CDH17: variants seen among roughly 807,000 people sequenced by gnomAD.
CDH17 encodes the protein cadherin-17.
CDH17 carries 67 observed loss-of-function variants against 86.3 expected under a neutral mutation model. The ratio of observed to expected loss-of-function variants is 0.78; its 90% CI spans 0.64 to 0.95. The LOEUF (loss-of-function observed/expected upper bound fraction) is 0.95, where lower values mean the gene tolerates loss of function less well. CDH17 is among the 40% of genes least tolerant of loss of function. The pLI is 0.00. For missense variants in CDH17, 993 were observed against 1,017.6 expected (o/e 0.98, Z 0.33); for synonymous variants, 367 against 366.4 (o/e 1.00, Z -0.02).
chr8:94,132,144 G>C (rs1339492647), intron 15 of CDH17, among the ~76,000 whole-genome samples: 1 of 152,156 alleles, frequency 6.6e-6, no homozygotes, highest in African/African-American at 2.4e-5. Flanking sequence ...ACATACGTGT[G>C]CACGTGTCTT....
At chr8:94,200,423 T>C (rs1399506744) in intron 1 of CDH17, among the ~76,000 whole-genome samples, 2 of 151,988 alleles carry the variant, frequency 1.3e-5, no homozygotes, top group Admixed American at 6.6e-5. Context: ...TTGCCGTTTG[T>C]CAGGATTTCC....
intron 11 of CDH17, among the ~76,000 whole-genome samples, chr8:94,160,496 G>C (rs1272859978): frequency 6.6e-6 from 1 of 152,124 alleles, no homozygotes; most frequent in Non-Finnish European, 1.5e-5. Flanking sequence ...GTATCTATCA[G>C]GTGGTAGGCA....
chr8:94,134,202 A>G (rs1400006027), intron 15 of CDH17, among the ~76,000 whole-genome samples: 4 of 152,116 alleles, frequency 2.6e-5, no homozygotes, highest in African/African-American at 4.8e-5. Flanking sequence ...CTCTTTTTCT[A>G]TTGATTGAAA....
At chr8:94,178,410 C>A (rs1273879432) in intron 3 of CDH17, among the ~76,000 whole-genome samples, 7 of 151,968 alleles carry the variant, frequency 4.6e-5, no homozygotes, top group Admixed American at 4.6e-4. Context: ...TTCCTATAAT[C>A]CTTTTGGAAA....
intron 15 of CDH17, among the ~76,000 whole-genome samples, chr8:94,143,807 C>A (rs1812683842): frequency 6.6e-6 from 1 of 152,172 alleles, no homozygotes; most frequent in Non-Finnish European, 1.5e-5. Context: ...GAGTTAAGGC[C>A]TTGTTCTAGG....
intron 13 of CDH17, among the ~76,000 whole-genome samples, chr8:94,150,610 C>T (rs1030655027): frequency 2.6e-5 from 4 of 152,196 alleles, no homozygotes; most frequent in African/African-American, 9.7e-5. Flanking sequence ...TTGTACCTTA[C>T]AGAACACCTC....
intron 7 of CDH17, among the ~76,000 whole-genome samples, chr8:94,172,450 A>G (rs1670347001): frequency 6.6e-6 from 1 of 152,138 alleles, no homozygotes; most frequent in Non-Finnish European, 1.5e-5. Flanking sequence ...TTAAAAAAAA[A>G]TTAGGGGAAC....
intron 7 of CDH17, 92 bp from the exon 8 acceptor site, chr8:94,171,077 C>G: frequency 1.5e-6 from 2 of 1,312,146 alleles, no homozygotes; most frequent in Non-Finnish European, 2.1e-6. Flanking sequence ...TTTGAAATCT[C>G]TGACAACCTT....
intron 15 of CDH17, among the ~76,000 whole-genome samples, chr8:94,135,679 A>T (rs1403227278): frequency 2.6e-5 from 4 of 152,072 alleles, no homozygotes; most frequent in Non-Finnish European, 5.9e-5. Context: ...GTTATGTGTG[A>T]ATTTGATCCT....
At chr8:94,146,218 T>A in intron 14 of CDH17, 51 bp from the exon 15 acceptor site, 1 of 1,382,246 alleles carries the variant, frequency 7.2e-7, no homozygotes, top group Non-Finnish European at 9.4e-7. Flanking sequence ...ATTTTCCTCT[T>A]AATAAGAAAG....
upstream of CDH17, among the ~76,000 whole-genome samples, chr8:94,210,036 T>TAGCATGTCTGCAAA (rs2129669708): frequency 6.6e-6 from 1 of 152,146 alleles, no homozygotes; most frequent in African/African-American, 2.4e-5. Context: ...TTTTCTCATT[T>TAGCATGTCTGCAAA]AGCATGTCTG....
In CDH17 at chr8:94,142,917, C is replaced by A. The variant is rs188893475; in HGVS notation, c.2167+3011G>T. On this transcript the variant is annotated intron_variant, in intron 15 of 17. Transcript: ENST00000027335. ...TGATTCCTCCACTGAAGTCTTGAAC[C>A]CCTCAAAGTCATCCATGAGGGTTGG... Among the ~76,000 whole-genome samples the A allele has an allele frequency of 1.4e-4, 22 of 152,270 alleles. No individual in the cohort carries two copies. The East Asian group carries it at 4.0e-3, about 28-fold the overall frequency.
intron 17 of CDH17, among the ~76,000 whole-genome samples, 199 bp downstream of exon 17, chr8:94,130,427 A>G (rs1812389059): frequency 6.6e-6 from 1 of 152,230 alleles, no homozygotes; most frequent in African/African-American, 2.4e-5. Flanking sequence ...TAATAAGGCA[A>G]TAGAGACAGA....
chr8:94,185,673 C>T (rs943279791), intron 3 of CDH17, among the ~76,000 whole-genome samples: 1 of 152,048 alleles, frequency 6.6e-6, no homozygotes, highest in Non-Finnish European at 1.5e-5. Context: ...CTTTGTTTCA[C>T]AAATATGTTT....
chr8:94,199,067 ATATATATATATATATATT>A (rs1383557068), intron 1 of CDH17, among the ~76,000 whole-genome samples: 61 of 38,270 alleles, frequency 1.6e-3, no homozygotes, highest in African/African-American at 5.5e-3. Flanking sequence ...ATATATATAT[ATATATATATATATATATT>A]TTTTTTTTTT....
Position 94,146,142 on chromosome 8 carries a change from T to C in CDH17, c.1953A>G (p.Ser651=), listed in dbSNP as rs1350582557. Residue 651 remains serine (S), a synonymous_variant, in exon 15 of 18, where the codon TCA becomes TCG. Coordinates refer to ENST00000027335, the MANE Select transcript of CDH17 (RefSeq NM_004063.4). The part of the protein sequence containing the change: ...EVGGSSLSSV[S]EFHLILMDVN... The stretch of plus-strand genomic sequence containing the variant: ...CATCCATAAGGATCAGGTGGAACTC[T>C]GACACAGAGCTCAAGGAAGACCCCC... The C allele has an allele frequency of 8.8e-6, 14 of 1,593,408 alleles. No homozygotes were observed. The highest frequency in any genetic ancestry group is 1.2e-5 in the Non-Finnish European group (14 of 1,169,860).
At chr8:94,156,782 C>T (rs184393176) in intron 12 of CDH17, among the ~76,000 whole-genome samples, 15 of 152,326 alleles carry the variant, frequency 9.8e-5, no homozygotes, top group South Asian at 4.1e-4. Flanking sequence ...AGTGATGCCA[C>T]GTGTTTAAGT....
chr8:94,162,284 A>G, intron 10 of CDH17, 122 bp from the exon 11 acceptor site: 1 of 679,782 alleles, frequency 1.5e-6, no homozygotes, highest in Non-Finnish European at 2.7e-6. Flanking sequence ...TGCAATTGAC[A>G]TGCAATTTGT....
upstream of CDH17, among the ~76,000 whole-genome samples, chr8:94,209,486 C>A (rs1046903498): frequency 6.6e-6 from 1 of 152,168 alleles, no homozygotes; most frequent in Non-Finnish European, 1.5e-5. Context: ...GAGAGCCCAG[C>A]CCACTCTCTA....
Sources: gnomAD v4.1 joint callset for allele counts (sites outside exome capture counted in the v4.1 genomes callset) on GRCh38, gnomAD v4.1.1 for gene constraint, MANE v1.5 for transcripts, NCBI Gene and HGNC (gene_info 2026-07-23, HGNC 2026-07-21) for gene names.